VAT1L: variants seen among roughly 807,000 people sequenced by gnomAD.
VAT1L encodes putative NADPH-dependent quinone oxidoreductase VAT1L.
VAT1L carries 34 observed loss-of-function variants against 44.1 expected under a neutral mutation model. The ratio of observed to expected loss-of-function variants is 0.77; its 90% CI spans 0.59 to 1.03. The LOEUF (loss-of-function observed/expected upper bound fraction) is 1.03, where lower values mean the gene tolerates loss of function less well. VAT1L is among the 50% of genes least tolerant of loss of function. VAT1L has a pLI of 0.00. For missense variants in VAT1L, 615 were observed against 538.8 expected (o/e 1.14, Z -1.40); for synonymous variants, 253 against 202.2 (o/e 1.25, Z -2.13).
intron 1 of VAT1L, among the ~76,000 whole-genome samples, chr16:77,794,160 A>G (rs1235255064): frequency 6.6e-6 from 1 of 152,194 alleles, no homozygotes; most frequent in East Asian, 1.9e-4. Flanking sequence ...CACACAAATC[A>G]TGAGAGATCA....
chr16:77,792,089 G>A (rs944930193), intron 1 of VAT1L, among the ~76,000 whole-genome samples: 2 of 152,008 alleles, frequency 1.3e-5, no homozygotes, highest in African/African-American at 4.8e-5. Flanking sequence ...TGCAAAGTGG[G>A]GATAATAAAA....
chr16:77,886,255 G>A (rs1208188517), intron 7 of VAT1L, among the ~76,000 whole-genome samples: 1 of 152,146 alleles, frequency 6.6e-6, no homozygotes, highest in Non-Finnish European at 1.5e-5. Context: ...TTAATTCAGT[G>A]AGTCAGACAC....
chr16:77,809,112 A>C (rs1004211940), intron 1 of VAT1L, among the ~76,000 whole-genome samples: 1 of 152,208 alleles, frequency 6.6e-6, no homozygotes, highest in African/African-American at 2.4e-5. Context: ...GATTTACATC[A>C]CTTGCTTTCG....
At chr16:77,835,514 C>G (rs2145254906) in intron 3 of VAT1L, among the ~76,000 whole-genome samples, 1 of 152,238 alleles carries the variant, frequency 6.6e-6, no homozygotes, top group Admixed American at 6.5e-5. Context: ...GATCTCAGAG[C>G]TAGAAGGGAA....
intron 3 of VAT1L, among the ~76,000 whole-genome samples, chr16:77,859,471 A>G (rs1209704032): frequency 3.3e-5 from 5 of 152,188 alleles, no homozygotes; most frequent in African/African-American, 1.2e-4. Context: ...GGGTCAGATA[A>G]TAGGGGCCAG....
intron 2 of VAT1L, among the ~76,000 whole-genome samples, chr16:77,819,019 A>T (rs184330622): frequency 6.3e-4 from 96 of 152,242 alleles, no homozygotes; most frequent in African/African-American, 2.3e-3. Flanking sequence ...TTCTTAGCAG[A>T]ATCAAATAAT....
chr16:77,907,135 G>A (rs1039935089), intron 7 of VAT1L, among the ~76,000 whole-genome samples: 2 of 152,138 alleles, frequency 1.3e-5, no homozygotes, highest in African/African-American at 2.4e-5. Flanking sequence ...CAATTTCCAC[G>A]CTGTAAATAC....
chr16:77,872,773 T>C (rs532813010), intron 4 of VAT1L, among the ~76,000 whole-genome samples: 13 of 152,378 alleles, frequency 8.5e-5, no homozygotes, highest in Admixed American at 3.9e-4. Flanking sequence ...TATAGATGTC[T>C]GTCCTTGTAC....
At position 77,905,822 on chromosome 16, in the gene VAT1L, A is replaced by G. The variant is rs552923367; in HGVS notation, c.1077+21020A>G. ...AGTGTTGAGAAACATGGTTCTAAAA[A>G]ATAGTCACTAAAAAGAGTCAATAGC... On this transcript the variant is annotated intron_variant, in intron 7 of 8. Transcript: ENST00000302536. Among the ~76,000 whole-genome samples, 6 of 152,326 alleles carry G rather than the reference A, an allele frequency of 3.9e-5. No homozygotes were observed. The South Asian group carries it at 1.2e-3, about 32-fold the overall frequency.
At chr16:77,804,606 C>G (rs552553950) in intron 1 of VAT1L, among the ~76,000 whole-genome samples, 1 of 152,292 alleles carries the variant, frequency 6.6e-6, no homozygotes, top group South Asian at 2.1e-4. Context: ...GTCACTTCCT[C>G]CCTCCTCTCT....
intron 7 of VAT1L, among the ~76,000 whole-genome samples, chr16:77,949,378 C>CAGGGCATCCTATGCT (rs1270473733): frequency 1.3e-5 from 2 of 152,110 alleles, no homozygotes; most frequent in Admixed American, 1.3e-4. Flanking sequence ...GGGGTACTGA[C>CAGGGCATCCTATGCT]AGGGCATCCT....
At chr16:77,823,604 TAATAAG>T (rs1434168586) in intron 2 of VAT1L, among the ~76,000 whole-genome samples, 1 of 152,230 alleles carries the variant, frequency 6.6e-6, no homozygotes. Context: ...TTCAAAATTA[TAATAAG>T]AATAATATCC....
intron 2 of VAT1L, among the ~76,000 whole-genome samples, chr16:77,817,266 C>A (rs1178459312): frequency 1.3e-5 from 2 of 152,088 alleles, no homozygotes; most frequent in East Asian, 1.9e-4. Flanking sequence ...GTGCAGGGGG[C>A]AGGACAAATC....
intron 3 of VAT1L, among the ~76,000 whole-genome samples, chr16:77,843,332 G>A (rs2016726160): frequency 6.6e-6 from 1 of 152,060 alleles, no homozygotes; most frequent in Non-Finnish European, 1.5e-5. Flanking sequence ...GGGTGGTAAG[G>A]ATGCACCAGG....
intron 7 of VAT1L, among the ~76,000 whole-genome samples, chr16:77,902,972 GAA>G (rs11307214): frequency 4.6e-4 from 44 of 96,372 alleles, no homozygotes; most frequent in Non-Finnish European, 3.0e-4. Flanking sequence ...GACTCTGTCT[GAA>G]AAAAAAAAAA....
intron 7 of VAT1L, among the ~76,000 whole-genome samples, chr16:77,942,971 C>T (rs2017908236): frequency 6.6e-6 from 1 of 151,756 alleles, no homozygotes; most frequent in African/African-American, 2.4e-5. Flanking sequence ...TTTCAAACTC[C>T]TGATCTCAGG....
At chr16:77,900,704 AAAAAG>A (rs201574427) in intron 7 of VAT1L, among the ~76,000 whole-genome samples, 2,240 of 151,744 alleles carry the variant, frequency 0.015, 43 homozygotes, top group African/African-American at 0.051. Context: ...TGAAAAAAAA[AAAAAG>A]AAAATAGAAA....
At chr16:77,951,909 G>A (rs545137876) in intron 7 of VAT1L, among the ~76,000 whole-genome samples, 3 of 151,690 alleles carry the variant, frequency 2.0e-5, no homozygotes, top group South Asian at 4.1e-4. Flanking sequence ...ACAGGGCAGA[G>A]AGATTGAACT....
chr16:77,970,448 C>T (rs570848613), intron 7 of VAT1L, among the ~76,000 whole-genome samples: 1 of 152,186 alleles, frequency 6.6e-6, no homozygotes, highest in Non-Finnish European at 1.5e-5. Context: ...GAGATTAAAA[C>T]ATTTTAAATA....
Sources: allele counts gnomAD v4.1 joint callset (sites outside exome capture counted in the v4.1 genomes callset), GRCh38; gene constraint gnomAD v4.1.1; transcripts MANE v1.5; gene names NCBI Gene and HGNC (gene_info 2026-07-23, HGNC 2026-07-21).